The following BAIAP2L2 variants were observed in gnomAD, a reference collection of about 807,000 sequenced individuals.
BAIAP2L2 encodes the protein BAR/IMD domain containing adaptor protein 2 like 2, also known as BAR/IMD domain-containing adapter protein 2-like 2.
A neutral mutation model predicts 60.4 loss-of-function variants in BAIAP2L2; 65 were observed. The observed-to-expected ratio is 1.08, with a 90% CI of 0.88 to 1.32. The LOEUF is 1.32. Ranked by LOEUF, BAIAP2L2 falls within the 40% of genes most tolerant of loss-of-function variation. BAIAP2L2 has a pLI of 0.00. For missense variants in BAIAP2L2, 836 were observed against 741.2 expected, an observed-to-expected ratio of 1.13 and a Z score of -1.48; for synonymous variants, 344 against 301.7, an observed-to-expected ratio of 1.14 and a Z score of -1.45.
At chr22:38,102,762 G>A (rs1043051163) in intron 4 of BAIAP2L2, among the ~76,000 whole-genome samples, 3 of 152,018 alleles carry the variant, frequency 2.0e-5, no homozygotes, top group Non-Finnish European at 4.4e-5. Context: ...AGGCACGGCC[G>A]GGTGCGGTGG....
chr22:38,091,761 G>A (rs1465100287), intron 7 of BAIAP2L2, among the ~76,000 whole-genome samples: 1 of 152,054 alleles, frequency 6.6e-6, no homozygotes, highest in Non-Finnish European at 1.5e-5. Flanking sequence ...ACTGGCTATT[G>A]TATTTGCAAC....
At position 38,106,184 on chromosome 22, in the gene BAIAP2L2, G is replaced by A. The variant is rs557569070; in HGVS notation, c.276+1668C>T. Reference sequence around the variant, plus strand: ...GTCCACGGAGCCCAGGGGCCTTGGGGCCTTGTTGTGTGTGCGTGGGATGTG... The same window carrying A: ...GTCCACGGAGCCCAGGGGCCTTGGGACCTTGTTGTGTGTGCGTGGGATGTG... On this transcript the variant is annotated intron_variant, in intron 4 of 13. Coordinates refer to ENST00000381669, the MANE Select transcript of BAIAP2L2 (RefSeq NM_025045.6). 2.6e-5 allele frequency among the ~76,000 whole-genome samples: 4 copies of A among 152,298 alleles called. No homozygotes were observed. In the East Asian group the frequency reaches 7.7e-4, roughly 29 times the overall value.
At chr22:38,100,066 G>A (rs2146013211) in intron 4 of BAIAP2L2, among the ~76,000 whole-genome samples, 1 of 152,316 alleles carries the variant, frequency 6.6e-6, no homozygotes, top group South Asian at 2.1e-4. Context: ...TGTGTGTGTA[G>A]AGAAGGGTGT....
At position 38,107,864 on chromosome 22, in the gene BAIAP2L2, G is replaced by T; in HGVS notation, c.264C>A (p.Asp88Glu). 5 of 1,613,504 alleles carry T rather than the reference G, an allele frequency of 3.1e-6. No individual in the cohort carries two copies. Among genetic ancestry groups the T allele is most frequent in the Non-Finnish European group, 4.2e-6 (5 of 1,179,946 alleles). ...MSDTQRHLNS[D>E]LEVVVQTFHG... is the part of the protein sequence containing the mutation. ...GCCTGATACTCACCACCACCTCCAG[G>T]TCAGAGTTCAAGTGCCGCTGGGTGT... The change falls in exon 4 of 14, where the codon GAC becomes GAA. Residue 88 changes from aspartate (D) to glutamate (E), a missense_variant. Transcript: ENST00000381669.
At chr22:38,090,237 A>C (rs2086264929) in intron 7 of BAIAP2L2, 1 of 149,388 alleles carries the variant, frequency 6.7e-6, no homozygotes, top group African/African-American at 2.5e-5. Flanking sequence ...CAGCCTCCCG[A>C]GTAGCTGGGA....
chr22:38,103,244 G>A (rs1480239738), intron 4 of BAIAP2L2, among the ~76,000 whole-genome samples: 1 of 152,000 alleles, frequency 6.6e-6, no homozygotes, highest in Non-Finnish European at 1.5e-5. Flanking sequence ...TAAATAAGAT[G>A]AATTTGTCCA....
At chr22:38,110,388 G>C in intron 1 of BAIAP2L2, 87 bp downstream of exon 1, 3 of 1,358,002 alleles carry the variant, frequency 2.2e-6, no homozygotes, top group South Asian at 1.2e-5. Context: ...CTGTAGCCCC[G>C]GCTGGCCCTC....
chr22:38,088,841 G>C lies in BAIAP2L2; in HGVS notation c.1025C>G (p.Thr342Arg). ...LVSHSEGANH[T>R]LLRFSAGDVV... ...GTCCCCAGCGGAGAAGCGCAGCAGCGTGTGGTTGGCGCCCTCCGAGTGGGA... is the reference window on the plus strand; with the variant it reads ...GTCCCCAGCGGAGAAGCGCAGCAGCCTGTGGTTGGCGCCCTCCGAGTGGGA... Residue 342 changes from threonine (T) to arginine (R), a missense_variant, in exon 10 of 14, where the codon ACG (threonine) becomes AGG (arginine). Physicochemically the swap from Thr to Arg is moderately conservative, Grantham distance 71 (BLOSUM62 -1). Coordinates refer to ENST00000381669, the MANE Select transcript of BAIAP2L2 (RefSeq NM_025045.6). 1 of 1,599,164 alleles carries C rather than the reference G, an allele frequency of 6.3e-7. No homozygotes were observed. Among genetic ancestry groups the C allele is most frequent in the Non-Finnish European group, 8.5e-7 (1 of 1,179,370 alleles).
intron 1 of BAIAP2L2, among the ~76,000 whole-genome samples, chr22:38,109,565 C>T (rs568174511): frequency 6.6e-5 from 10 of 152,292 alleles, no homozygotes; most frequent in South Asian, 2.1e-4. Context: ...CCACTGGGCA[C>T]GGCTCAGCCC....
rs777781805 is a variant in BAIAP2L2 at position 38,085,382 on chromosome 22, G to A, written c.1515-7C>T. On this transcript the variant is annotated splice_region_variant and splice_polypyrimidine_tract_variant and intron_variant, in intron 13 of 13. Transcript: ENST00000381669. ...GGCAAAAGGATTTGTGCCCCTGTAG[G>A]AGGAGAGAGAGAATGGGGTGAGAAG... 1.3e-5 allele frequency: 21 copies of A among 1,612,748 alleles called. No homozygotes were observed. Among genetic ancestry groups the A allele is most frequent in the Non-Finnish European group, 1.6e-5 (19 of 1,179,130 alleles).
In BAIAP2L2 at chr22:38,089,158, TCGGGCTCGGTGCCGTAGGAGC is replaced by T; in HGVS notation, c.818_838del (p.Gly273_Pro279del). 1 of 1,334,392 alleles carries T rather than the reference TCGGGCTCGGTGCCGTAGGAGC, an allele frequency of 7.5e-7. No individual in the cohort carries two copies. The highest frequency in any genetic ancestry group is 9.5e-7 in the Non-Finnish European group (1 of 1,047,378). The allele number at this position is 1,334,392 out of a possible 1,614,324, so 82.7% of individuals were successfully genotyped here. On this transcript the variant is annotated inframe_deletion, in exon 9 of 14. Transcript: ENST00000381669. ...CTCTAGCTGGGACGCGGGCCTCGCG[TCGGGCTCGGTGCCGTAGGAGC>T]CGGAGCCGTGCCGGCTGCGGGGGGA...
rs767666505 is a variant in BAIAP2L2 at position 38,110,465 on chromosome 22, A to G, written c.51+10T>C. The G allele has an allele frequency of 3.1e-6, 5 of 1,611,308 alleles. No homozygotes were observed. The highest frequency in any genetic ancestry group is 2.2e-5 in the East Asian group (1 of 44,726). ...GGGCTCAGGCCTGGCTTGGCCACCC[A>G]TGTGCTCACCTTGTAGATGGCCATG... is the stretch of plus-strand genomic sequence containing the variant. On this transcript the variant is annotated intron_variant, in intron 1 of 13. Coordinates refer to ENST00000381669, the MANE Select transcript of BAIAP2L2 (RefSeq NM_025045.6).
chr22:38,087,884 T>C (rs2086145557), intron 10 of BAIAP2L2, among the ~76,000 whole-genome samples: 2 of 124,318 alleles, frequency 1.6e-5, no homozygotes, highest in African/African-American at 6.3e-5. Context: ...AACCACCCAG[T>C]CAGTGACCCC....
At chr22:38,089,737 A>G in intron 7 of BAIAP2L2, 63 bp from the exon 8 acceptor site, 1 of 1,213,322 alleles carries the variant, frequency 8.2e-7, no homozygotes, top group Non-Finnish European at 1.0e-6. Context: ...CTGGGGACCC[A>G]AAATGACACC....
intron 4 of BAIAP2L2, among the ~76,000 whole-genome samples, chr22:38,104,615 C>A (rs1028903764): frequency 1.3e-5 from 2 of 151,796 alleles, no homozygotes; most frequent in African/African-American, 4.8e-5. Context: ...CCTGCCTCAG[C>A]CTCCCGAGTA....
In BAIAP2L2 at chr22:38,097,190, C is replaced by T; in HGVS notation, c.466-12G>A. The T allele has an allele frequency of 1.2e-6, 2 of 1,609,548 alleles. No individual in the cohort carries two copies. Among genetic ancestry groups the T allele is most frequent in the African/African-American group, 1.3e-5 (1 of 74,954 alleles). On this transcript the variant is annotated splice_polypyrimidine_tract_variant and intron_variant, in intron 6 of 13. Transcript: ENST00000381669. Reference sequence around the variant, plus strand: ...CGGTTCACACTCTCCTGGGGGGGAACGGGAGTTCTGGCTGGGGGCGGTGGG... The same window carrying T: ...CGGTTCACACTCTCCTGGGGGGGAATGGGAGTTCTGGCTGGGGGCGGTGGG...
At chr22:38,098,032 C>CAGCA in intron 6 of BAIAP2L2, 31 bp downstream of exon 6, 1 of 1,429,562 alleles carries the variant, frequency 7.0e-7, no homozygotes, top group Non-Finnish European at 9.8e-7. Context: ...CCCGCCCTTC[C>CAGCA]TGGCCCACCC....
In BAIAP2L2 at chr22:38,107,694, GACT is replaced by G. The variant is rs531619245; in HGVS notation, c.276+155_276+157del. 3.6e-4 allele frequency among the ~76,000 whole-genome samples: 55 copies of G among 152,228 alleles called. No homozygotes were observed. The East Asian group carries it at 0.01, about 28-fold the overall frequency. On this transcript the variant is annotated intron_variant, in intron 4 of 13. Coordinates refer to ENST00000381669, the MANE Select transcript of BAIAP2L2 (RefSeq NM_025045.6). ...TCCTAGGGCTGCTAGAGGCTTGAAC[GACT>G]ATTGCAGGGAACCGTGCCCCACAGA...
intron 2 of BAIAP2L2, 128 bp downstream of exon 2, chr22:38,109,005 G>A (rs2086729535): frequency 1.2e-6 from 1 of 810,032 alleles, no homozygotes; most frequent in East Asian, 2.5e-5. Context: ...GAGGGTGAGG[G>A]TGGTGGGTAG....
Sources: allele counts gnomAD v4.1 joint callset (sites outside exome capture counted in the v4.1 genomes callset), GRCh38; gene constraint gnomAD v4.1.1; transcripts MANE v1.5; gene names NCBI Gene and HGNC (gene_info 2026-07-23, HGNC 2026-07-21).